Variants in FYB1 observed in about 807,000 individuals in gnomAD.
FYB1 encodes the protein FYN-binding protein 1.
FYB1 carries 41 observed loss-of-function variants against 94.1 expected under a neutral mutation model. That is an observed-to-expected ratio of 0.44 (90% CI 0.34 to 0.57). The LOEUF (loss-of-function observed/expected upper bound fraction) is 0.57, where lower values mean the gene tolerates loss of function less well. Among genes scored for constraint, FYB1 ranks in the 20% least tolerant of loss-of-function variants. The pLI, the probability that FYB1 is intolerant of heterozygous loss-of-function variation, is 0.02. For missense variants in FYB1, 1,050 were observed against 976.8 expected (o/e 1.07, Z -1.00); for synonymous variants, 367 against 353.2 (o/e 1.04, Z -0.44).
At chr5:39,223,272 T>C (rs896017666), upstream of FYB1, among the ~76,000 whole-genome samples, 17 of 152,192 alleles carry the variant, frequency 1.1e-4, no homozygotes, top group African/African-American at 4.1e-4. Flanking sequence ...ATAGTAGTAG[T>C]ATTTTCCCCT....
intron 1 of FYB1, among the ~76,000 whole-genome samples, chr5:39,240,440 C>T (rs1592666): frequency 0.17 from 25,630 of 152,056 alleles, 5,769 homozygotes; most frequent in African/African-American, 0.5. Flanking sequence ...AAAGGTCTAA[C>T]ATCAAGAATC....
At position 39,219,470 on chromosome 5, in the gene FYB1, A is replaced by G; in HGVS notation, c.-55T>C. ...GACTCCTGCAGAAGAAGGCGGAAGG[A>G]TGGCCTCCTTTAGTGGATCTTCCTG... On this transcript the variant is annotated 5_prime_UTR_variant, in exon 1 of 19. Coordinates refer to ENST00000512982, the MANE Select transcript of FYB1 (RefSeq NM_001465.6). 1 of 985,538 alleles carries G rather than the reference A, an allele frequency of 1.0e-6. No homozygotes were observed. Among genetic ancestry groups the G allele is most frequent in the Non-Finnish European group, 1.2e-6 (1 of 829,958 alleles). The allele number at this position is 985,538 out of a possible 1,614,324, so 61.0% of individuals were successfully genotyped here. A position where few individuals can be genotyped will look rare whatever the true frequency, so the allele number is the denominator to read the frequency against.
chr5:39,150,382 AC>A (rs1333475019), intron 3 of FYB1, among the ~76,000 whole-genome samples: 2 of 152,176 alleles, frequency 1.3e-5, no homozygotes, highest in Non-Finnish European at 2.9e-5. Context: ...AAGGAAAGTA[AC>A]TTTGAAATGA....
chr5:39,186,458 G>A (rs2150443191), intron 2 of FYB1, among the ~76,000 whole-genome samples: 1 of 152,090 alleles, frequency 6.6e-6, no homozygotes, highest in South Asian at 2.1e-4. Context: ...AACACTGAGA[G>A]AACAGCACTC....
At chr5:39,131,474 T>C (rs916197350) in intron 9 of FYB1, among the ~76,000 whole-genome samples, 37 of 152,236 alleles carry the variant, frequency 2.4e-4, no homozygotes, top group Non-Finnish European at 1.5e-5. Flanking sequence ...AGGACAATTA[T>C]ATAGTACTCA....
At chr5:39,168,057 T>A (rs968244897) in intron 2 of FYB1, among the ~76,000 whole-genome samples, 1 of 152,202 alleles carries the variant, frequency 6.6e-6, no homozygotes, top group African/African-American at 2.4e-5. Flanking sequence ...TGAAAAAAAA[T>A]TAGTCAAACT....
At chr5:39,153,719 C>A (rs1360617159) in intron 2 of FYB1, 115 bp from the exon 3 acceptor site, 8 of 835,524 alleles carry the variant, frequency 9.6e-6, no homozygotes, top group Non-Finnish European at 1.5e-5. Flanking sequence ...TAACAACTGG[C>A]TATATGGAAT....
chr5:39,165,959 T>C (rs35546837), intron 2 of FYB1, among the ~76,000 whole-genome samples: 2,830 of 152,232 alleles, frequency 0.019, 36 homozygotes, highest in South Asian at 0.051. Context: ...TGGCTATTAT[T>C]AAAAAATAAA....
chr5:39,109,316 C>G (rs1334062705), intron 17 of FYB1, among the ~76,000 whole-genome samples: 1 of 151,984 alleles, frequency 6.6e-6, no homozygotes, highest in African/African-American at 2.4e-5. Context: ...ATACAATAAA[C>G]ATTTATTAAG....
intron 12 of FYB1, 73 bp from the exon 13 acceptor site, chr5:39,124,351 A>C (rs1253626610): frequency 9.8e-7 from 1 of 1,023,008 alleles, no homozygotes; most frequent in African/African-American, 1.7e-5. Flanking sequence ...TATATAGGAG[A>C]GTATAAAGGG....
intron 2 of FYB1, among the ~76,000 whole-genome samples, chr5:39,158,512 G>A (rs1036337230): frequency 5.3e-5 from 8 of 152,298 alleles, no homozygotes; most frequent in Non-Finnish European, 4.4e-5. Flanking sequence ...GAAATGAATA[G>A]AGAGGACCCA....
At chr5:39,128,203 T>C (rs1419622091) in intron 10 of FYB1, among the ~76,000 whole-genome samples, 3 of 151,970 alleles carry the variant, frequency 2.0e-5, no homozygotes, top group Non-Finnish European at 4.4e-5. Context: ...AGAAAAGCAA[T>C]GGGATGAAAG....
intron 2 of FYB1, among the ~76,000 whole-genome samples, chr5:39,174,388 C>A (rs1185311700): frequency 2.6e-5 from 4 of 152,162 alleles, no homozygotes; most frequent in Non-Finnish European, 4.4e-5. Flanking sequence ...AACCCTAGGA[C>A]TGAAAGTCTT....
intron 1 of FYB1, among the ~76,000 whole-genome samples, chr5:39,204,142 C>T (rs540158244): frequency 1.3e-5 from 2 of 152,300 alleles, no homozygotes; most frequent in East Asian, 3.9e-4. Context: ...AACCAGGTCC[C>T]TCCAGCTGGA....
At chr5:39,149,589 A>G (rs910083464) in intron 3 of FYB1, among the ~76,000 whole-genome samples, 1 of 151,820 alleles carries the variant, frequency 6.6e-6, no homozygotes, top group Non-Finnish European at 1.5e-5. Context: ...AGTTGTTTAT[A>G]TTTGCTCTGT....
intron 16 of FYB1, among the ~76,000 whole-genome samples, chr5:39,111,169 A>T (rs1346239087): frequency 6.6e-6 from 1 of 151,882 alleles, no homozygotes; most frequent in Non-Finnish European, 1.5e-5. Flanking sequence ...AATAGGAACT[A>T]TTTTTCTTAA....
chr5:39,215,309 T>TA (rs1749762633), intron 1 of FYB1, among the ~76,000 whole-genome samples: 1 of 152,168 alleles, frequency 6.6e-6, no homozygotes, highest in Non-Finnish European at 1.5e-5. Context: ...AATAAAATAA[T>TA]AAAAAATCCA....
chr5:39,223,192 C>T (rs1301804519), upstream of FYB1, among the ~76,000 whole-genome samples: 1 of 151,976 alleles, frequency 6.6e-6, no homozygotes, highest in African/African-American at 2.4e-5. Context: ...ACCTATTTTA[C>T]TACATGCTTT....
At chr5:39,218,076 G>A (rs1342569356) in intron 1 of FYB1, among the ~76,000 whole-genome samples, 1 of 152,224 alleles carries the variant, frequency 6.6e-6, no homozygotes, top group Admixed American at 6.5e-5. Flanking sequence ...GAAGCTGGGG[G>A]GAATTTGAAG....
Sources: allele counts gnomAD v4.1 joint callset (sites outside exome capture counted in the v4.1 genomes callset), GRCh38; gene constraint gnomAD v4.1.1; transcripts MANE v1.5; gene names NCBI Gene and HGNC (gene_info 2026-07-23, HGNC 2026-07-21).